Variants in CACNA1E observed in about 807,000 individuals in gnomAD.
The protein encoded by CACNA1E is voltage-dependent R-type calcium channel subunit alpha-1E.
Under a neutral mutation model 259.2 loss-of-function variants are expected in CACNA1E, and 40 were observed. The ratio of observed to expected loss-of-function variants is 0.15; its 90% confidence interval spans 0.12 to 0.20. The LOEUF (loss-of-function observed/expected upper bound fraction) is 0.20, where lower values mean the gene tolerates loss of function less well. Among genes scored for constraint, CACNA1E ranks in the 10% least tolerant of loss-of-function variants. The probability of loss-of-function intolerance (pLI) is 1.00; values close to 1 mark genes in which losing one functional copy is unlikely to be tolerated. For synonymous variants in CACNA1E, 1,104 were observed against 1,138.5 expected, an observed-to-expected ratio of 0.97 and a Z score of 0.61; for missense variants, 1,874 against 3,040.1, an observed-to-expected ratio of 0.62 and a Z score of 9.02.
At chr1:181,667,387 G>T (rs1446384146) in intron 7 of CACNA1E, among the ~76,000 whole-genome samples, 1 of 152,052 alleles carries the variant, frequency 6.6e-6, no homozygotes, top group Non-Finnish European at 1.5e-5. Flanking sequence ...GGAGAACTTT[G>T]GTTCCATTTA....
chr1:181,516,851 T>G (rs938206579), intron 3 of CACNA1E, among the ~76,000 whole-genome samples: 9 of 152,250 alleles, frequency 5.9e-5, no homozygotes, highest in African/African-American at 1.7e-4. Context: ...TCCTGAGTTT[T>G]GTCAGCCTTG....
chr1:181,482,438 G>A (rs1464858702), upstream of CACNA1E, among the ~76,000 whole-genome samples: 3 of 152,248 alleles, frequency 2.0e-5, no homozygotes, highest in African/African-American at 7.2e-5. Context: ...CATTACTTGG[G>A]GGAAAGGGGA....
chr1:181,681,172 A>G (rs557092805), intron 7 of CACNA1E, among the ~76,000 whole-genome samples: 21 of 152,338 alleles, frequency 1.4e-4, no homozygotes, highest in African/African-American at 4.8e-4. Flanking sequence ...GGTTCTCCAC[A>G]GGGAGCTGTT....
At chr1:181,461,298 T>G (rs1443301188) in intron 2 of CACNA1E, among the ~76,000 whole-genome samples, 1 of 151,992 alleles carries the variant, frequency 6.6e-6, no homozygotes, top group Non-Finnish European at 1.5e-5. Context: ...TCCCAGCACT[T>G]TGGGAGGCCG....
chr1:181,778,976 C>G (rs1425663418), intron 38 of CACNA1E, among the ~76,000 whole-genome samples: 2 of 152,236 alleles, frequency 1.3e-5, no homozygotes, highest in Non-Finnish European at 2.9e-5. Context: ...GCTGACTTCC[C>G]ACTGCCCCTG....
Position 181,474,397 on chromosome 1 carries a change from C to T in CACNA1E, c.435-9347C>T, listed in dbSNP as rs559162190. ...CATTTCCACCTTTCCAATTTGTAAA[C>T]TGCACATTAGGAATATTCAGAAACC... On this transcript the variant is annotated intron_variant, in intron 2 of 11. Transcript: ENST00000524607. Among the ~76,000 whole-genome samples, 10 of 152,326 alleles carry T rather than the reference C, an allele frequency of 6.6e-5. No individual in the cohort carries two copies. In the South Asian group the frequency reaches 1.9e-3, roughly 28 times the overall value.
chr1:181,430,964 T>G (rs1435912786), intron 2 of CACNA1E, among the ~76,000 whole-genome samples: 2 of 152,164 alleles, frequency 1.3e-5, no homozygotes, highest in African/African-American at 4.8e-5. Flanking sequence ...AATAATAACA[T>G]TAGATTTCTA....
At chr1:181,401,929 G>A (rs191367086) in intron 1 of CACNA1E, among the ~76,000 whole-genome samples, 2 of 152,114 alleles carry the variant, frequency 1.3e-5, no homozygotes, top group Admixed American at 1.3e-4. Context: ...TTATGTCAGC[G>A]ATTTTCATCT....
intron 6 of CACNA1E, among the ~76,000 whole-genome samples, chr1:181,585,653 G>A (rs572201908): frequency 2.0e-5 from 3 of 152,192 alleles, no homozygotes; most frequent in Non-Finnish European, 4.4e-5. Flanking sequence ...GATGGCATTC[G>A]AACAAAGACT....
At chr1:181,439,733 A>G (rs10797717) in intron 2 of CACNA1E, among the ~76,000 whole-genome samples, 1,524 of 152,344 alleles carry the variant, frequency 0.01, 21 homozygotes, top group African/African-American at 0.035. Flanking sequence ...CTAACTTCCA[A>G]GAACATAACA....
chr1:181,463,550 C>T (rs1476457580), intron 2 of CACNA1E, among the ~76,000 whole-genome samples: 1 of 152,122 alleles, frequency 6.6e-6, no homozygotes, highest in Non-Finnish European at 1.5e-5. Context: ...ATTAATTGCA[C>T]TTTCCCTGAT....
intron 1 of CACNA1E, among the ~76,000 whole-genome samples, chr1:181,357,534 A>G (rs1008981039): frequency 1.3e-5 from 2 of 152,048 alleles, no homozygotes; most frequent in Non-Finnish European, 2.9e-5. Flanking sequence ...TCTTGTTTTG[A>G]GAGAAAGGAT....
intron 3 of CACNA1E, among the ~76,000 whole-genome samples, chr1:181,554,530 G>A (rs1048651348): frequency 3.3e-5 from 5 of 152,084 alleles, no homozygotes; most frequent in Non-Finnish European, 7.4e-5. Flanking sequence ...AGCTTGGATC[G>A]GTTTATTCCA....
At chr1:181,481,754 T>G (rs1330597404), upstream of CACNA1E, among the ~76,000 whole-genome samples, 1 of 151,990 alleles carries the variant, frequency 6.6e-6, no homozygotes, top group Non-Finnish European at 1.5e-5. Flanking sequence ...GGGGAAGGGC[T>G]TGGCGGCTAA....
chr1:181,506,879 C>T (rs1665753963), intron 1 of CACNA1E, among the ~76,000 whole-genome samples: 1 of 151,508 alleles, frequency 6.6e-6, no homozygotes, highest in Admixed American at 6.6e-5. Flanking sequence ...GATTTCCCTG[C>T]CACTATCCAT....
chr1:181,761,456 C>T (rs1388128524), intron 32 of CACNA1E, among the ~76,000 whole-genome samples: 1 of 152,190 alleles, frequency 6.6e-6, no homozygotes, highest in Non-Finnish European at 1.5e-5. Flanking sequence ...TGTAGGAATT[C>T]AATGATGCTA....
intron 2 of CACNA1E, among the ~76,000 whole-genome samples, chr1:181,467,794 T>C (rs1213600121): frequency 6.6e-6 from 1 of 152,184 alleles, no homozygotes; most frequent in Admixed American, 6.5e-5. Flanking sequence ...GAGCAATCTA[T>C]TTAATTATTC....
chr1:181,364,263 G>T lies in CACNA1E; in HGVS notation c.-15+46140G>T, dbSNP rs577478174. Among the ~76,000 whole-genome samples, 6 of 152,286 alleles carry T rather than the reference G, an allele frequency of 3.9e-5. No individual in the cohort carries two copies. In the East Asian group the frequency reaches 7.7e-4, roughly 20 times the overall value. ...TTTATTCACCATCCTAAGCGCCTTTGTCCAGCTTTTTCCATAGTGCTGGTC... is the reference window on the plus strand; with the variant it reads ...TTTATTCACCATCCTAAGCGCCTTTTTCCAGCTTTTTCCATAGTGCTGGTC... On this transcript the variant is annotated intron_variant, in intron 1 of 11. Coordinates refer to the CACNA1E transcript ENST00000524607.
chr1:181,590,416 A>AAAT (rs1553291053), intron 6 of CACNA1E, among the ~76,000 whole-genome samples: 10 of 115,886 alleles, frequency 8.6e-5, no homozygotes, highest in African/African-American at 3.7e-4. Flanking sequence ...AAAAAAAAAA[A>AAAT]ATATATATAT....
Sources: allele counts gnomAD v4.1 joint callset (sites outside exome capture counted in the v4.1 genomes callset), GRCh38; gene constraint gnomAD v4.1.1; transcripts MANE v1.5; gene names NCBI Gene and HGNC (gene_info 2026-07-23, HGNC 2026-07-21).